Variants in CORO2A observed in about 807,000 individuals in gnomAD.
CORO2A encodes coronin-2A.
In CORO2A, 47 loss-of-function variants were observed where a neutral mutation model predicts 62.4. That is an observed-to-expected ratio of 0.75 (90% CI 0.60 to 0.96). The LOEUF (loss-of-function observed/expected upper bound fraction) is 0.96, where lower values mean the gene tolerates loss of function less well. Among genes scored for constraint, CORO2A ranks in the 40% least tolerant of loss-of-function variants. CORO2A has a pLI of 0.00. For synonymous variants in CORO2A, 273 were observed against 268.9 expected (o/e 1.02, Z -0.15); for missense variants, 610 against 684.1 (o/e 0.89, Z 1.21).
At chr9:98,171,306 C>T (rs1828031227) in intron 1 of CORO2A, among the ~76,000 whole-genome samples, 1 of 152,200 alleles carries the variant, frequency 6.6e-6, no homozygotes, top group South Asian at 2.1e-4. Context: ...GGTGGGCATC[C>T]AACCAGGGGT....
At chr9:98,143,471 G>A (rs1000726152) in intron 2 of CORO2A, among the ~76,000 whole-genome samples, 3 of 152,212 alleles carry the variant, frequency 2.0e-5, no homozygotes, top group African/African-American at 4.8e-5. Context: ...CAGAGGTGAA[G>A]TGGGCAGGCA....
In CORO2A at chr9:98,184,069, T is replaced by A. The variant is rs1314015085; in HGVS notation, c.-1+8490A>T. Among the ~76,000 whole-genome samples, 4 of 152,132 alleles carry A rather than the reference T, an allele frequency of 2.6e-5. 1 individual carries two copies. The highest frequency in any genetic ancestry group is 2.6e-4 in the Admixed American group (4 of 15,274). ...AAGTATACAGGAGGGTGTGTGTAGG[T>A]TACATGTAAACACTATACTATTTTA... On this transcript the variant is annotated intron_variant, in intron 1 of 11. Transcript: ENST00000375077.
At chr9:98,183,754 G>A (rs1446333926) in intron 1 of CORO2A, among the ~76,000 whole-genome samples, 1 of 152,226 alleles carries the variant, frequency 6.6e-6, no homozygotes, top group African/African-American at 2.4e-5. Context: ...GAGATCAAGA[G>A]TTCGAGACCA....
chr9:98,139,783 G>A (rs943918860), intron 2 of CORO2A, among the ~76,000 whole-genome samples: 2 of 152,310 alleles, frequency 1.3e-5, no homozygotes, highest in Admixed American at 1.3e-4. Context: ...GCAACAGAAT[G>A]GGACCCTGTC....
intron 1 of CORO2A, among the ~76,000 whole-genome samples, chr9:98,165,155 TC>T (rs1827942264): frequency 1.3e-5 from 2 of 152,242 alleles, no homozygotes; most frequent in East Asian, 3.9e-4. Flanking sequence ...AGACAGGGTT[TC>T]ACTCTGTTGC....
At chr9:98,163,626 A>G (rs1374971017) in intron 1 of CORO2A, among the ~76,000 whole-genome samples, 2 of 152,164 alleles carry the variant, frequency 1.3e-5, no homozygotes, top group Non-Finnish European at 2.9e-5. Flanking sequence ...TATGATGAGC[A>G]GTGCAGGTGG....
intron 1 of CORO2A, among the ~76,000 whole-genome samples, chr9:98,167,481 T>C (rs1194738911): frequency 6.6e-6 from 1 of 152,202 alleles, no homozygotes; most frequent in Non-Finnish European, 1.5e-5. Flanking sequence ...TGTATTTTAG[T>C]ACAATGAAAT....
intron 1 of CORO2A, among the ~76,000 whole-genome samples, chr9:98,167,952 ATG>A (rs753466296): frequency 6.6e-6 from 1 of 152,162 alleles, no homozygotes; most frequent in Non-Finnish European, 1.5e-5. Context: ...TTAATTTTGT[ATG>A]TGTCTTTAAA....
chr9:98,192,055 C>A (rs1355083090), intron 1 of CORO2A, among the ~76,000 whole-genome samples: 1 of 152,226 alleles, frequency 6.6e-6, no homozygotes, highest in African/African-American at 2.4e-5. Context: ...CACGCCCAGG[C>A]CGGCTTGGCG....
chr9:98,178,544 A>C (rs1828138624), intron 1 of CORO2A, among the ~76,000 whole-genome samples: 1 of 152,208 alleles, frequency 6.6e-6, no homozygotes, highest in Non-Finnish European at 1.5e-5. Context: ...CAGGTTAATT[A>C]ATTGGGATAA....
chr9:98,157,391 G>A (rs2118875244), intron 2 of CORO2A, 69 bp downstream of exon 2: 1 of 1,469,344 alleles, frequency 6.8e-7, no homozygotes, highest in East Asian at 2.3e-5. Flanking sequence ...TAGAAACCCA[G>A]GCTCTTTCCA....
At chr9:98,125,715 T>C (rs2118785622) in intron 11 of CORO2A, among the ~76,000 whole-genome samples, 1 of 139,550 alleles carries the variant, frequency 7.2e-6, no homozygotes, top group East Asian at 2.1e-4. Flanking sequence ...CACCATTTTT[T>C]TTTTTTTTTT....
At chr9:98,178,777 G>T (rs1024843534) in intron 1 of CORO2A, among the ~76,000 whole-genome samples, 1 of 152,212 alleles carries the variant, frequency 6.6e-6, no homozygotes, top group Admixed American at 6.5e-5. Flanking sequence ...ACCCCAATGT[G>T]CATCTTGCAT....
chr9:98,155,593 C>T (rs1827793386), intron 2 of CORO2A, among the ~76,000 whole-genome samples: 2 of 152,104 alleles, frequency 1.3e-5, no homozygotes, highest in African/African-American at 4.8e-5. Context: ...GATCCACCCA[C>T]CTCAGCCTCC....
At chr9:98,183,494 C>T (rs1464739155) in intron 1 of CORO2A, among the ~76,000 whole-genome samples, 1 of 152,126 alleles carries the variant, frequency 6.6e-6, no homozygotes, top group Non-Finnish European at 1.5e-5. Flanking sequence ...GATGTCAGAC[C>T]GGCCTGAGTA....
intron 1 of CORO2A, among the ~76,000 whole-genome samples, chr9:98,180,045 C>T (rs1828158140): frequency 1.3e-5 from 2 of 152,052 alleles, no homozygotes; most frequent in Admixed American, 6.6e-5. Flanking sequence ...AAAAAAACTG[C>T]CTCAAAGTCT....
intron 2 of CORO2A, among the ~76,000 whole-genome samples, chr9:98,154,462 A>T (rs1827776521): frequency 6.6e-6 from 1 of 151,410 alleles, no homozygotes; most frequent in African/African-American, 2.4e-5. Flanking sequence ...CTGGAAAATA[A>T]ATTACCCATA....
chr9:98,179,646 G>T (rs1828151533), intron 1 of CORO2A, among the ~76,000 whole-genome samples: 1 of 152,146 alleles, frequency 6.6e-6, no homozygotes, highest in African/African-American at 2.4e-5. Flanking sequence ...TGGCAGGGAT[G>T]AGGGCAGGAG....
intron 2 of CORO2A, among the ~76,000 whole-genome samples, chr9:98,153,663 C>CACACAT (rs988712983): frequency 6.6e-6 from 1 of 150,474 alleles, no homozygotes; most frequent in Non-Finnish European, 1.5e-5. Context: ...CACACACACA[C>CACACAT]ACACACACAC....
Sources: gnomAD v4.1 joint callset for allele counts (sites outside exome capture counted in the v4.1 genomes callset) on GRCh38, gnomAD v4.1.1 for gene constraint, MANE v1.5 for transcripts, NCBI Gene and HGNC (gene_info 2026-07-23, HGNC 2026-07-21) for gene names.